Variants in PPP4R1 observed in about 807,000 individuals in gnomAD.
The protein encoded by PPP4R1 is serine/threonine-protein phosphatase 4 regulatory subunit 1.
A neutral mutation model predicts 111.2 loss-of-function variants in PPP4R1; 42 were observed. The ratio of observed to expected loss-of-function variants is 0.38; its 90% confidence interval spans 0.29 to 0.49. The LOEUF is 0.49. Among genes scored for constraint, PPP4R1 ranks in the 20% least tolerant of loss-of-function variants. The pLI is 0.97. For synonymous variants in PPP4R1, 409 were observed against 405.5 expected, an observed-to-expected ratio of 1.01 and a Z score of -0.10; for missense variants, 1,012 against 1,161.6, an observed-to-expected ratio of 0.87 and a Z score of 1.87.
chr18:9,609,871 T>G (rs1259953929), intron 2 of PPP4R1, among the ~76,000 whole-genome samples: 2 of 152,232 alleles, frequency 1.3e-5, no homozygotes, highest in African/African-American at 4.8e-5. Context: ...TCAGAAGGCC[T>G]AGCTTAAAAT....
chr18:9,560,512 AACATCACTGAATGCCTTTTAAGTATCTT>A (rs2066655980), intron 13 of PPP4R1, among the ~76,000 whole-genome samples: 1 of 152,196 alleles, frequency 6.6e-6, no homozygotes, highest in Admixed American at 6.5e-5. Flanking sequence ...CTGAGAGGGG[AACATCACTGAATGCCTTTTAAGTATCTT>A]GAATTTTGAG....
upstream of PPP4R1, chr18:9,615,327 A>G (rs2067676027): frequency 6.6e-6 from 1 of 152,244 alleles, no homozygotes; most frequent in African/African-American, 2.4e-5. Flanking sequence ...TGATTCAGCC[A>G]GTTAATTGGT....
intron 4 of PPP4R1, among the ~76,000 whole-genome samples, chr18:9,590,463 A>G (rs1240969669): frequency 6.6e-6 from 1 of 152,202 alleles, no homozygotes; most frequent in Admixed American, 6.5e-5. Flanking sequence ...AACACTGACA[A>G]TTGCTTATAT....
At chr18:9,557,457 GC>G in intron 14 of PPP4R1, 75 bp from the exon 15 acceptor site, 1 of 1,288,014 alleles carries the variant, frequency 7.8e-7, no homozygotes, top group Non-Finnish European at 1.0e-6. Context: ...ATATACAAAG[GC>G]TAATTTATAT....
intron 2 of PPP4R1, among the ~76,000 whole-genome samples, chr18:9,607,064 G>C (rs1226737098): frequency 6.6e-6 from 1 of 152,076 alleles, no homozygotes; most frequent in Non-Finnish European, 1.5e-5. Flanking sequence ...AAATATAAAA[G>C]TGATCTACAT....
intron 11 of PPP4R1, among the ~76,000 whole-genome samples, chr18:9,564,733 T>G (rs1482290491): frequency 1.9e-5 from 2 of 108,052 alleles, no homozygotes; most frequent in African/African-American, 6.0e-5. Context: ...TGTGTGTGTG[T>G]GTGTGGGGGT....
chr18:9,562,494 C>CA lies in PPP4R1; in HGVS notation c.1747-420dup, dbSNP rs1197031722. 3.3e-5 allele frequency among the ~76,000 whole-genome samples: 5 copies of CA among 151,976 alleles called. No individual in the cohort carries two copies. In the East Asian group the frequency reaches 9.6e-4, roughly 29 times the overall value. On this transcript the variant is annotated intron_variant, in intron 12 of 19. Coordinates refer to ENST00000400556, the MANE Select transcript of PPP4R1 (RefSeq NM_001042388.3). The stretch of plus-strand genomic sequence containing the variant: ...CACAAATTATATATATGTTAACAGC[C>CA]AAAAACAGTAACAACAACAACAACA...
At position 9,593,836 on chromosome 18, in the gene PPP4R1, T is replaced by C; in HGVS notation, c.227A>G (p.Glu76Gly). ...ACAATCTCTTTCATCATCGCAGACT[T>C]CCCTCAAGGTATCGAGCAAACTCCG... ...VARSLLDTLREVCDDERDCIA... is the reference protein window; with the variant it reads ...VARSLLDTLRGVCDDERDCIA... Residue 76 changes from glutamate to glycine, a missense_variant, in exon 4 of 20, where the codon GAA becomes GGA. Coordinates refer to ENST00000400556, the MANE Select transcript of PPP4R1 (RefSeq NM_001042388.3). 1 of 1,613,842 alleles carries C rather than the reference T, an allele frequency of 6.2e-7. No homozygotes were observed.
intron 15 of PPP4R1, chr18:9,556,876 G>A: frequency 5.7e-6 from 1 of 175,230 alleles, no homozygotes; most frequent in South Asian, 1.4e-4. Flanking sequence ...AGGTTCCACA[G>A]GAGTACTCCA....
intron 14 of PPP4R1, among the ~76,000 whole-genome samples, chr18:9,558,375 T>C (rs1205437031): frequency 2.0e-5 from 3 of 152,132 alleles, no homozygotes; most frequent in Middle Eastern, 3.2e-3. Context: ...TACAGTTCTG[T>C]AGAATAAAGA....
intron 8 of PPP4R1, 58 bp from the exon 9 acceptor site, chr18:9,583,333 A>G: frequency 7.3e-7 from 1 of 1,371,998 alleles, no homozygotes; most frequent in African/African-American, 1.5e-5. Context: ...TTCATCAGTT[A>G]CTTCGCTTTC....
chr18:9,613,369 G>A (rs1007862158), intron 2 of PPP4R1, among the ~76,000 whole-genome samples: 2 of 152,116 alleles, frequency 1.3e-5, no homozygotes, highest in Non-Finnish European at 2.9e-5. Flanking sequence ...TAACTCTTTT[G>A]TCTTTTCTAT....
intron 9 of PPP4R1, among the ~76,000 whole-genome samples, chr18:9,580,503 C>T (rs1431937743): frequency 6.6e-6 from 1 of 152,100 alleles, no homozygotes; most frequent in Admixed American, 6.5e-5. Flanking sequence ...GCGCCCGCCA[C>T]CACACCCGGC....
In PPP4R1 at chr18:9,570,031, T is replaced by C. The variant is rs149394599; in HGVS notation, c.1573+126A>G. 2.1e-4 allele frequency: 206 copies of C among 998,656 alleles called. 1 individual carries two copies. The African/African-American group carries it at 3.1e-3, about 15-fold the overall frequency. The allele number at this position is 998,656 out of a possible 1,614,324, so 61.9% of individuals were successfully genotyped here. On this transcript the variant is annotated intron_variant, in intron 11 of 19. Coordinates refer to ENST00000400556, the MANE Select transcript of PPP4R1 (RefSeq NM_001042388.3). ...TCTCAAAGTGCTGGTATTATAGGTA[T>C]GAGTCACTGTGCCCAGTCCATAATA...
rs568464423 is a variant in PPP4R1 at position 9,567,015 on chromosome 18, T to G, written c.1573+3142A>C. Among the ~76,000 whole-genome samples the G allele has an allele frequency of 2.6e-5, 4 of 152,332 alleles. No homozygotes were observed. The South Asian group carries it at 8.3e-4, about 32-fold the overall frequency. On this transcript the variant is annotated intron_variant, in intron 11 of 19. Transcript: ENST00000400556. ...AAGGATCAAGGGGTAATTTCAACTTTCAAGTCTTATTATTTCAGGAATACA... is the reference window on the plus strand; with the variant it reads ...AAGGATCAAGGGGTAATTTCAACTTGCAAGTCTTATTATTTCAGGAATACA...
intron 19 of PPP4R1, 142 bp downstream of exon 19, chr18:9,549,055 A>T: frequency 9.3e-7 from 1 of 1,077,040 alleles, no homozygotes; most frequent in Non-Finnish European, 1.3e-6. Context: ...TGGGAGAATC[A>T]CCGGAACAAC....
intron 2 of PPP4R1, among the ~76,000 whole-genome samples, chr18:9,604,530 A>G (rs2067446101): frequency 6.6e-6 from 1 of 152,020 alleles, no homozygotes; most frequent in South Asian, 2.1e-4. Flanking sequence ...ATGCCCCACT[A>G]CTTTTCTGTC....
At chr18:9,600,023 A>T (rs1384697858) in intron 2 of PPP4R1, among the ~76,000 whole-genome samples, 29 of 152,140 alleles carry the variant, frequency 1.9e-4, no homozygotes, top group Admixed American at 1.9e-3. Context: ...CACTAATTTA[A>T]ATGCAGACTG....
At chr18:9,609,515 A>G (rs1036246403) in intron 2 of PPP4R1, among the ~76,000 whole-genome samples, 3 of 152,194 alleles carry the variant, frequency 2.0e-5, no homozygotes, top group African/African-American at 7.2e-5. Flanking sequence ...CTCTACTTCA[A>G]CACCGCCCTT....
Sources: allele counts gnomAD v4.1 joint callset (sites outside exome capture counted in the v4.1 genomes callset), GRCh38; gene constraint gnomAD v4.1.1; transcripts MANE v1.5; gene names NCBI Gene and HGNC (gene_info 2026-07-23, HGNC 2026-07-21).